Variants in SYTL2 observed in about 807,000 individuals in gnomAD.
SYTL2 encodes synaptotagmin like 2.
Under a neutral mutation model 198.7 loss-of-function variants are expected in SYTL2, and 165 were observed. The observed-to-expected ratio is 0.83, with a 90% CI of 0.73 to 0.94. The LOEUF (loss-of-function observed/expected upper bound fraction) is 0.94, where lower values mean the gene tolerates loss of function less well. Among genes scored for constraint, SYTL2 ranks in the 40% least tolerant of loss-of-function variants. SYTL2 has a pLI of 0.00. For missense variants in SYTL2, 2,835 were observed against 2,582.8 expected (o/e 1.10, Z -2.12); for synonymous variants, 966 against 917.7 (o/e 1.05, Z -0.95).
intron 1 of SYTL2, among the ~76,000 whole-genome samples, chr11:85,783,032 G>A (rs1205105475): frequency 6.6e-6 from 1 of 152,054 alleles, no homozygotes; most frequent in Non-Finnish European, 1.5e-5. Flanking sequence ...CCACATTTTT[G>A]GATATCTTTA....
intron 16 of SYTL2, among the ~76,000 whole-genome samples, chr11:85,703,232 G>T (rs557459274): frequency 2.0e-5 from 3 of 152,204 alleles, no homozygotes; most frequent in African/African-American, 7.2e-5. Context: ...AGAAATAGTT[G>T]CTGAGAAATT....
chr11:85,695,662 T>G (rs1436323702), intron 19 of SYTL2, among the ~76,000 whole-genome samples: 2 of 152,362 alleles, frequency 1.3e-5, no homozygotes, highest in Admixed American at 1.3e-4. Context: ...TCTAGGTTAG[T>G]GTGACTAAGG....
intron 15 of SYTL2, 41 bp from the exon 16 acceptor site, chr11:85,705,069 C>T (rs1434776085): frequency 6.7e-7 from 1 of 1,486,992 alleles, no homozygotes; most frequent in East Asian, 2.3e-5. Context: ...AAAAACATTA[C>T]TTGATGCCAA....
intron 7 of SYTL2, chr11:85,733,581 GT>G (rs67133901): frequency 0.1 from 12,211 of 119,078 alleles, 1,223 homozygotes; most frequent in South Asian, 0.14. Context: ...AGCCCACCAA[GT>G]TTTTTTTTTT....
At chr11:85,793,598 CA>C (rs1379137738) in intron 1 of SYTL2, among the ~76,000 whole-genome samples, 21 of 152,272 alleles carry the variant, frequency 1.4e-4, no homozygotes, top group Non-Finnish European at 2.5e-4. Context: ...TGATAACATC[CA>C]TGAAATTTAA....
the SYTL2 span, among the ~76,000 whole-genome samples, chr11:85,851,816 T>C: frequency 1.3e-5 from 2 of 152,380 alleles, no homozygotes; most frequent in East Asian, 3.9e-4. Flanking sequence ...AAAATCTCCA[T>C]GCTTTAAAAA....
chr11:85,813,166 G>A (rs2093057068), upstream of SYTL2, among the ~76,000 whole-genome samples: 1 of 152,176 alleles, frequency 6.6e-6, no homozygotes, highest in Non-Finnish European at 1.5e-5. Context: ...GCAGGGTCTT[G>A]TTATGGCTCC....
At chr11:85,845,678 G>T in the SYTL2 span, among the ~76,000 whole-genome samples, 1 of 152,196 alleles carries the variant, frequency 6.6e-6, no homozygotes, top group East Asian at 1.9e-4. Context: ...GGAGGCCGAG[G>T]TGGGCGGATC....
At chr11:85,736,359 C>A (rs937859057) in intron 6 of SYTL2, 142 bp downstream of exon 6, 8 of 529,966 alleles carry the variant, frequency 1.5e-5, no homozygotes, top group Non-Finnish European at 2.6e-5. Flanking sequence ...GGAAGGAAAC[C>A]AACAAGCACC....
At chr11:85,701,216 A>G (rs182381481) in intron 16 of SYTL2, among the ~76,000 whole-genome samples, 233 of 152,368 alleles carry the variant, frequency 1.5e-3, no homozygotes, top group Non-Finnish European at 2.9e-3. Context: ...GAAATTCGTA[A>G]TATTTGCATA....
intron 1 of SYTL2, among the ~76,000 whole-genome samples, chr11:85,804,477 C>T (rs1226509384): frequency 6.6e-6 from 1 of 152,084 alleles, no homozygotes; most frequent in Non-Finnish European, 1.5e-5. Flanking sequence ...TCACCTTGGG[C>T]AACTTATTTA....
intron 1 of SYTL2, among the ~76,000 whole-genome samples, chr11:85,771,914 A>G (rs11234406): frequency 1.3e-5 from 2 of 151,588 alleles, no homozygotes; most frequent in African/African-American, 4.8e-5. Context: ...ATATATATAT[A>G]TTTTTTGAGA....
At chr11:85,695,363 T>A in intron 19 of SYTL2, 23 bp from the exon 20 acceptor site, 1 of 1,540,118 alleles carries the variant, frequency 6.5e-7, no homozygotes, top group Non-Finnish European at 8.8e-7. Flanking sequence ...AGCTTTGCAT[T>A]TAGAAAGAAA....
At chr11:85,847,718 C>CTAATGATA in the SYTL2 span, among the ~76,000 whole-genome samples, 1 of 152,190 alleles carries the variant, frequency 6.6e-6, no homozygotes, top group Admixed American at 6.5e-5. Context: ...TGCCTGATAA[C>CTAATGATA]TAATGATATT....
At chr11:85,703,449 C>T (rs1435648183) in intron 16 of SYTL2, among the ~76,000 whole-genome samples, 2 of 152,152 alleles carry the variant, frequency 1.3e-5, no homozygotes, top group Admixed American at 1.3e-4. Context: ...GACTTCACAA[C>T]AGAAATGACC....
chr11:85,715,289 A>C (rs1012101184), intron 11 of SYTL2, among the ~76,000 whole-genome samples: 2 of 152,128 alleles, frequency 1.3e-5, no homozygotes, highest in African/African-American at 4.8e-5. Context: ...TTTTTCTAAG[A>C]ATCACAACAT....
At chr11:85,756,089 C>A (rs2091851412) in intron 2 of SYTL2, among the ~76,000 whole-genome samples, 1 of 152,120 alleles carries the variant, frequency 6.6e-6, no homozygotes, top group Non-Finnish European at 1.5e-5. Flanking sequence ...TGCAATAGTC[C>A]CTGCTTTGCC....
chr11:85,812,697 T>C (rs566675529), upstream of SYTL2, among the ~76,000 whole-genome samples: 114 of 152,028 alleles, frequency 7.5e-4, no homozygotes, highest in African/African-American at 2.7e-3. Flanking sequence ...GGCAGAGACA[T>C]GGAGATGCCT....
chr11:85,802,153 G>C (rs2092898651), intron 1 of SYTL2, among the ~76,000 whole-genome samples: 1 of 151,102 alleles, frequency 6.6e-6, no homozygotes, highest in Non-Finnish European at 1.5e-5. Context: ...CTGCCTCCAT[G>C]GCTTTGAACT....
Sources: allele counts gnomAD v4.1 joint callset (sites outside exome capture counted in the v4.1 genomes callset), GRCh38; gene constraint gnomAD v4.1.1; transcripts MANE v1.5; gene names NCBI Gene and HGNC (gene_info 2026-07-23, HGNC 2026-07-21).